FER1L5: variants seen among roughly 807,000 people sequenced by gnomAD.
The protein encoded by FER1L5 is fer-1-like protein 5.
FER1L5 carries 187 observed loss-of-function variants against 279.9 expected under a neutral mutation model. The observed-to-expected ratio is 0.67, with a 90% confidence interval of 0.59 to 0.75. FER1L5 has a LOEUF of 0.75. Ranked by LOEUF, FER1L5 falls within the 30% of genes least tolerant of loss-of-function variation. The probability of loss-of-function intolerance (pLI) is 0.00; values close to 1 mark genes in which losing one functional copy is unlikely to be tolerated. For synonymous variants in FER1L5, 921 were observed against 989.7 expected (o/e 0.93, Z 1.30); for missense variants, 2,091 against 2,594.4 (o/e 0.81, Z 4.21).
At chr2:96,700,780 G>A (rs189857456) in intron 45 of FER1L5, among the ~76,000 whole-genome samples, 15 of 152,272 alleles carry the variant, frequency 9.9e-5, no homozygotes, top group Middle Eastern at 3.4e-3. Context: ...TCTCCCGAGG[G>A]GTGGGAAGGT....
chr2:96,659,557 T>A (rs2075869726), intron 9 of FER1L5, among the ~76,000 whole-genome samples: 1 of 147,736 alleles, frequency 6.8e-6, no homozygotes, highest in African/African-American at 2.5e-5. Context: ...AGTGGCGCAA[T>A]CTCGGCTCAT....
intron 19 of FER1L5, among the ~76,000 whole-genome samples, chr2:96,674,574 G>A (rs967425923): frequency 6.6e-6 from 1 of 152,050 alleles, no homozygotes; most frequent in Admixed American, 6.6e-5. Flanking sequence ...ATCATATATG[G>A]AACATATAAT....
chr2:96,696,220 T>G (rs931412415), intron 37 of FER1L5, 143 bp downstream of exon 37: 1 of 970,880 alleles, frequency 1.0e-6, no homozygotes, highest in Non-Finnish European at 1.5e-6. Flanking sequence ...CCTCAGCCTA[T>G]AGGGTCTCTG....
At position 96,693,574 on chromosome 2, in the gene FER1L5, C is replaced by T. The variant is rs565535537; in HGVS notation, c.3361C>T (p.Pro1121Ser). ...CTQTLRSSAG[P>S]TWAQTLIFQH... ...CCAAACCCTGAGGAGCTCTGCAGGC[C>T]CCACATGGGCCCAGACACTCATCTT... Residue 1121 changes from proline to serine, a missense_variant, in exon 32 of 53, where the codon CCC becomes TCC. By Grantham distance (74) the Pro-to-Ser change is moderately conservative (BLOSUM62 -1). Transcript: ENST00000624922. 9.7e-6 allele frequency: 15 copies of T among 1,551,476 alleles called. No individual in the cohort carries two copies. The highest frequency in any genetic ancestry group is 1.3e-5 in the Non-Finnish European group (15 of 1,146,964).
chr2:96,696,223 G>C (rs1225317224), intron 37 of FER1L5, 146 bp downstream of exon 37: 1 of 829,926 alleles, frequency 1.2e-6, no homozygotes. Context: ...CAGCCTATAG[G>C]GTCTCTGTAG....
intron 8 of FER1L5, 181 bp downstream of exon 8, chr2:96,653,883 C>G (rs2075486221): frequency 1.7e-6 from 1 of 587,118 alleles, no homozygotes; most frequent in African/African-American, 1.9e-5. Flanking sequence ...ATTTATTCAA[C>G]AAATGTTGTG....
Position 96,691,747 on chromosome 2 carries a change from G to C in FER1L5, c.3076-78G>C, listed in dbSNP as rs2077156892. 1 of 1,551,442 alleles carries C rather than the reference G, an allele frequency of 6.4e-7. No individual in the cohort carries two copies. The highest frequency in any genetic ancestry group is 1.2e-5 in the South Asian group (1 of 83,996). On this transcript the variant is annotated intron_variant, in intron 29 of 52. Transcript: ENST00000624922. This position sits in a 1 kb window ranked among gnomAD's most constrained non-coding sequence, Gnocchi z 6.0. ...GGCTTGCGAGGGTGGCAGTGTGAGG[G>C]AGGAGGGTGACTGGGCCTGGGCTAG... is the stretch of plus-strand genomic sequence containing the variant.
At position 96,684,842 on chromosome 2, in the gene FER1L5, T is replaced by C. The variant is rs181879275; in HGVS notation, c.1794+391T>C. Reference sequence around the variant, plus strand: ...GTTTTGAAGAATGCATAGGATTTTGTTGGGGGCTGGGTGGGGGTAGAAGGG... The same window carrying C: ...GTTTTGAAGAATGCATAGGATTTTGCTGGGGGCTGGGTGGGGGTAGAAGGG... On this transcript the variant is annotated intron_variant, in intron 20 of 52. Coordinates refer to ENST00000624922, the MANE Select transcript of FER1L5 (RefSeq NM_001293083.2). Among the ~76,000 whole-genome samples, 23 of 152,100 alleles carry C rather than the reference T, an allele frequency of 1.5e-4. No individual in the cohort carries two copies. In the East Asian group the frequency reaches 4.1e-3, roughly 27 times the overall value.
Position 96,684,326 on chromosome 2 carries a change from G to C in FER1L5, c.1670-1G>C. 6.4e-7 allele frequency: 1 copy of C among 1,551,436 alleles called. No individual in the cohort carries two copies. On this transcript the variant is annotated splice_acceptor_variant, in intron 19 of 52. Coordinates refer to ENST00000624922, the MANE Select transcript of FER1L5 (RefSeq NM_001293083.2). LOFTEE classifies it high-confidence loss of function. ...TCCCTCCATGTGTCTCTGTGTCTCAGGGAACATCTACCATTATGTGCCCTG... is the reference window on the plus strand; with the variant it reads ...TCCCTCCATGTGTCTCTGTGTCTCACGGAACATCTACCATTATGTGCCCTG...
intron 14 of FER1L5, among the ~76,000 whole-genome samples, chr2:96,664,805 C>A (rs2076073335): frequency 6.6e-6 from 1 of 152,174 alleles, no homozygotes; most frequent in African/African-American, 2.4e-5. Flanking sequence ...CATATAAAAA[C>A]AAAACAAATC....
intron 19 of FER1L5, among the ~76,000 whole-genome samples, chr2:96,678,720 A>G (rs921384239): frequency 1.3e-5 from 2 of 152,254 alleles, no homozygotes; most frequent in Non-Finnish European, 2.9e-5. Flanking sequence ...GGCATGAGCC[A>G]TTGTGCCTGG....
rs371667746 is a variant in FER1L5 at position 96,691,551 on chromosome 2, G to A, written c.3014G>A (p.Arg1005His). ...CGGTTCCGCCGCCGCTGCTGGCGCC[G>A]CAGGCTGGCCCCCAACAAGGACAAG... The part of the protein sequence containing the change: ...QSRFRRRCWR[R>H]RLAPNKDKGI... The change falls in exon 29 of 53, where the codon CGC becomes CAC. Residue 1005 changes from arginine to histidine, a missense_variant. Arg to His is a conservative substitution (Grantham distance 29). Coordinates refer to ENST00000624922, the MANE Select transcript of FER1L5 (RefSeq NM_001293083.2). The surrounding 1 kb of genome is among the most constrained non-coding windows in gnomAD (Gnocchi z 6.0). The A allele has an allele frequency of 7.7e-6, 12 of 1,549,184 alleles. No homozygotes were observed. Among genetic ancestry groups the A allele is most frequent in the Admixed American group, 4.0e-5 (2 of 50,480 alleles).
Position 96,678,286 on chromosome 2 carries a change from C to T in FER1L5, c.1669+5032C>T, listed in dbSNP as rs560191742. Among the ~76,000 whole-genome samples, 6 of 152,032 alleles carry T rather than the reference C, an allele frequency of 3.9e-5. No homozygotes were observed. The South Asian group carries it at 8.3e-4, about 21-fold the overall frequency. On this transcript the variant is annotated intron_variant, in intron 19 of 52. Coordinates refer to ENST00000624922, the MANE Select transcript of FER1L5 (RefSeq NM_001293083.2). ...CTGGGACTACAGGCATGTGCCACCA[C>T]GCCCGGCTAGATTTTGTATTTTTCG...
intron 44 of FER1L5, 53 bp downstream of exon 44, chr2:96,700,133 G>A: frequency 6.2e-7 from 1 of 1,604,356 alleles, no homozygotes; most frequent in Non-Finnish European, 8.5e-7. Flanking sequence ...TCTGGAAGCT[G>A]TGAGGCTCCA....
At chr2:96,659,406 T>G (rs563468612) in intron 9 of FER1L5, among the ~76,000 whole-genome samples, 1 of 7,528 alleles carries the variant, frequency 1.3e-4, no homozygotes, top group East Asian at 5.1e-3. Context: ...TCTTTCTTTC[T>G]TTCTTTCTTT....
In FER1L5 at chr2:96,692,033, A is replaced by G. The variant is rs1265446904; in HGVS notation, c.3214+70A>G. 2.2e-3 allele frequency: 2,638 copies of G among 1,184,244 alleles called. 6 individuals are homozygous for G. Among genetic ancestry groups the G allele is most frequent in the Middle Eastern group, 5.6e-3 (25 of 4,472 alleles). The allele number at this position is 1,184,244 out of a possible 1,614,324, so 73.4% of individuals were successfully genotyped here. A position where few individuals can be genotyped will look rare whatever the true frequency, so the allele number is the denominator to read the frequency against. ...GTACCCGAGGGCGGGGGGGGGGGAC[A>G]GGGTGGGGGCAGTCAGAGGGAGCCG... is the stretch of plus-strand genomic sequence containing the variant. On this transcript the variant is annotated intron_variant, in intron 30 of 52. Transcript: ENST00000624922.
rs2077453233 is a variant in FER1L5, at chr2:96,698,156, GGT to G, written c.4356+7_4356+8del. On this transcript the variant is annotated splice_donor_variant, in intron 40 of 52. Coordinates refer to ENST00000624922, the MANE Select transcript of FER1L5 (RefSeq NM_001293083.2). LOFTEE classifies it high-confidence loss of function. This position sits in a 1 kb window ranked among gnomAD's most constrained non-coding sequence, Gnocchi z 5.5. ...ACAGCCCCGTGGTAGGGGAGTTCAA[GGT>G]GTGTGTCCACCCCAGCTTAGCTGCC... 1.9e-6 allele frequency: 3 copies of G among 1,558,428 alleles called. No homozygotes were observed. The South Asian group carries it at 3.6e-5, about 18-fold the overall frequency.
intron 14 of FER1L5, among the ~76,000 whole-genome samples, chr2:96,665,010 T>C (rs933655987): frequency 6.6e-6 from 1 of 152,198 alleles, no homozygotes; most frequent in African/African-American, 2.4e-5. Context: ...TTTGGGGTTC[T>C]GTAGTCTGAT....
chr2:96,692,943 C>T (rs2077209871), intron 31 of FER1L5, among the ~76,000 whole-genome samples: 3 of 152,054 alleles, frequency 2.0e-5, no homozygotes, highest in Admixed American at 1.3e-4. Context: ...TTTGGGAGGC[C>T]AAGGTGGGCC....
Sources: gnomAD v4.1 joint callset for allele counts (sites outside exome capture counted in the v4.1 genomes callset) on GRCh38, gnomAD v4.1.1 for gene constraint, Gnocchi (gnomAD v3.1) non-coding constraint, MANE v1.5 for transcripts, NCBI Gene and HGNC (gene_info 2026-07-23, HGNC 2026-07-21) for gene names.